RYR3: variants seen among roughly 807,000 people sequenced by gnomAD.
The protein encoded by RYR3 is brain ryanodine receptor-calcium release channel.
A neutral mutation model predicts 584.3 loss-of-function variants in RYR3; 207 were observed. The observed-to-expected ratio is 0.35, with a 90% CI of 0.32 to 0.40. RYR3 has a LOEUF of 0.40. RYR3 is among the 10% of genes least tolerant of loss of function. The pLI, the probability that RYR3 is intolerant of heterozygous loss-of-function variation, is 1.00. For missense variants in RYR3, 5,616 were observed against 6,089.2 expected (o/e 0.92, Z 2.59); for synonymous variants, 2,416 against 2,248.5 (o/e 1.07, Z -2.11).
intron 19 of RYR3, among the ~76,000 whole-genome samples, chr15:33,620,667 C>G (rs1295402372): frequency 1.3e-5 from 2 of 152,162 alleles, no homozygotes; most frequent in Non-Finnish European, 2.9e-5. Flanking sequence ...TAGTTATTAC[C>G]TTTGATCTCA....
At chr15:33,826,577 C>A in intron 83 of RYR3, 95 bp from the exon 84 acceptor site, 1 of 1,125,902 alleles carries the variant, frequency 8.9e-7, no homozygotes, top group Non-Finnish European at 1.4e-6. Flanking sequence ...ACCATTCTGA[C>A]ACAACTCCTT....
rs1485101035 is a variant in RYR3 at position 33,722,803 on chromosome 15, G to A, written c.6708G>A (p.Gly2236=). Residue 2236 remains glycine, a synonymous_variant, in exon 44 of 104, where the codon GGG becomes GGA. Transcript: ENST00000634891. ...TCGGCCCGGCCCTGCGGGGTGAGGGGGGAAACGGGCTCTTGGCAGCCATGC... is the reference window on the plus strand; with the variant it reads ...TCGGCCCGGCCCTGCGGGGTGAGGGAGGAAACGGGCTCTTGGCAGCCATGC... ...ECFGPALRGE[G]GNGLLAAMQG... is the part of the protein sequence containing the mutation. The A allele has an allele frequency of 1.2e-6, 2 of 1,613,332 alleles. No homozygotes were observed. The highest frequency in any genetic ancestry group is 1.7e-5 in the Admixed American group (1 of 59,920).
chr15:33,585,278 C>T (rs2058791741), intron 15 of RYR3, among the ~76,000 whole-genome samples: 1 of 152,148 alleles, frequency 6.6e-6, no homozygotes, highest in Admixed American at 6.5e-5. Flanking sequence ...TTCAGGCTAA[C>T]TTATGAAAAC....
chr15:33,422,370 A>G (rs760319076), intron 1 of RYR3, among the ~76,000 whole-genome samples: 1 of 152,180 alleles, frequency 6.6e-6, no homozygotes, highest in African/African-American at 2.4e-5. Context: ...TTTAAAAACC[A>G]TTTATGGAAT....
At chr15:33,516,754 A>G (rs2053559553) in intron 3 of RYR3, among the ~76,000 whole-genome samples, 1 of 152,104 alleles carries the variant, frequency 6.6e-6, no homozygotes, top group Non-Finnish European at 1.5e-5. Flanking sequence ...GTCAGACAAT[A>G]TGCTATCCCT....
Position 33,722,009 on chromosome 15 carries a change from G to T in RYR3, c.6620-706G>T, listed in dbSNP as rs11637423. Among the ~76,000 whole-genome samples, 15 of 152,048 alleles carry T rather than the reference G, an allele frequency of 9.9e-5. No individual in the cohort carries two copies. In the South Asian group the frequency reaches 3.1e-3, roughly 32 times the overall value. On this transcript the variant is annotated intron_variant, in intron 43 of 103. Coordinates refer to ENST00000634891, the MANE Select transcript of RYR3 (RefSeq NM_001036.6). ...GAATAACCAATAAAACTTTACCAAG[G>T]AGATTCTTCATCTGGATACATGATT...
intron 38 of RYR3, among the ~76,000 whole-genome samples, chr15:33,683,937 C>T (rs1053219361): frequency 1.3e-5 from 2 of 152,222 alleles, no homozygotes; most frequent in Admixed American, 1.3e-4. Flanking sequence ...GGAAGAGGGG[C>T]GTCTGCCATT....
intron 31 of RYR3, 53 bp from the exon 32 acceptor site, chr15:33,652,665 A>C: frequency 1.3e-6 from 2 of 1,572,068 alleles, no homozygotes; most frequent in Non-Finnish European, 1.7e-6. Context: ...CTGAGTCTTG[A>C]TTACAAACTG....
chr15:33,767,357 T>C (rs1050641939), intron 60 of RYR3, among the ~76,000 whole-genome samples: 1 of 152,192 alleles, frequency 6.6e-6, no homozygotes. Context: ...GCAGCCGATA[T>C]TTAATTTCAC....
intron 1 of RYR3, among the ~76,000 whole-genome samples, chr15:33,341,237 C>T (rs1172900305): frequency 3.3e-5 from 5 of 152,122 alleles, no homozygotes; most frequent in Non-Finnish European, 7.4e-5. Context: ...CAGGGCTTCA[C>T]CATGTTAGCC....
In RYR3 at chr15:33,744,465, T is replaced by C. The variant is rs375909488; in HGVS notation, c.7900-1603T>C. Among the ~76,000 whole-genome samples the C allele has an allele frequency of 3.7e-4, 56 of 152,282 alleles. No individual in the cohort carries two copies. In the South Asian group the frequency reaches 0.011, roughly 30 times the overall value. On this transcript the variant is annotated intron_variant, in intron 52 of 103. Coordinates refer to ENST00000634891, the MANE Select transcript of RYR3 (RefSeq NM_001036.6). The stretch of plus-strand genomic sequence containing the variant: ...CTCACAAGAAAAAGAGTATTTTCCT[T>C]GCCCTCAAAAGCCTCATGATCTTGT...
At chr15:33,810,682 G>C (rs2076477279) in intron 71 of RYR3, 33 bp downstream of exon 71, 1 of 1,613,072 alleles carries the variant, frequency 6.2e-7, no homozygotes. Context: ...CTGAGTGTGT[G>C]ATCCACATGG....
intron 1 of RYR3, among the ~76,000 whole-genome samples, chr15:33,328,889 T>C (rs1161623338): frequency 6.6e-6 from 1 of 152,206 alleles, no homozygotes; most frequent in Non-Finnish European, 1.5e-5. Context: ...TTTCTCCCCC[T>C]TTTCCCTTGT....
At position 33,586,094 on chromosome 15, in the gene RYR3, A is replaced by G; in HGVS notation, c.1766A>G (p.Asp589Gly). 6.2e-7 allele frequency: 1 copy of G among 1,610,708 alleles called. No individual in the cohort carries two copies. ...GHIKSIISLL[D>G]KHGRNHKVLD... is the part of the protein sequence containing the mutation. ...ATCAAGTCGATCATCTCCCTGTTGGATAAGCACGGGCGGAATCACAAGGTA... is the reference window on the plus strand; with the variant it reads ...ATCAAGTCGATCATCTCCCTGTTGGGTAAGCACGGGCGGAATCACAAGGTA... The change falls in exon 16 of 104, where the codon GAT (aspartate) becomes GGT (glycine). Residue 589 changes from aspartate (D) to glycine (G), a missense_variant. Asp to Gly is a moderately conservative substitution (Grantham distance 94). Transcript: ENST00000634891.
chr15:33,753,359 A>T (rs2071509531), intron 57 of RYR3, among the ~76,000 whole-genome samples: 1 of 152,238 alleles, frequency 6.6e-6, no homozygotes, highest in South Asian at 2.1e-4. Context: ...TGAATGCATC[A>T]TGATGTCCTA....
intron 67 of RYR3, among the ~76,000 whole-genome samples, chr15:33,796,961 C>T (rs770918953): frequency 5.3e-5 from 8 of 152,146 alleles, no homozygotes; most frequent in Non-Finnish European, 1.2e-4. Context: ...TTTATAGCAA[C>T]GTGCATGGAT....
At chr15:33,331,516 G>A (rs1970377355) in intron 1 of RYR3, among the ~76,000 whole-genome samples, 1 of 152,110 alleles carries the variant, frequency 6.6e-6, no homozygotes, top group African/African-American at 2.4e-5. Context: ...ACTTGGTAAT[G>A]ACAGTGCCTC....
At chr15:33,782,344 TA>T (rs2074437481) in intron 65 of RYR3, among the ~76,000 whole-genome samples, 1 of 152,172 alleles carries the variant, frequency 6.6e-6, no homozygotes, top group African/African-American at 2.4e-5. Context: ...ATTGATTTGA[TA>T]AGACATATTC....
chr15:33,512,376 G>A (rs1472008128), intron 3 of RYR3, among the ~76,000 whole-genome samples: 1 of 152,180 alleles, frequency 6.6e-6, no homozygotes, highest in Non-Finnish European at 1.5e-5. Context: ...AACCATTCAG[G>A]TTAACTAGCT....
Sources: gnomAD v4.1 joint callset for allele counts (sites outside exome capture counted in the v4.1 genomes callset) on GRCh38, gnomAD v4.1.1 for gene constraint, MANE v1.5 for transcripts, NCBI Gene and HGNC (gene_info 2026-07-23, HGNC 2026-07-21) for gene names.